Variants in REC114 observed in about 807,000 individuals in gnomAD.
REC114 encodes the protein REC114 meiotic recombination protein, also known as meiotic recombination protein REC114.
REC114 carries 27 observed loss-of-function variants against 31.3 expected under a neutral mutation model. The ratio of observed to expected loss-of-function variants is 0.86; its 90% CI spans 0.64 to 1.19. REC114 has a LOEUF of 1.19. REC114 is among the 50% of genes most tolerant of loss of function. The pLI, the probability that REC114 is intolerant of heterozygous loss-of-function variation, is 0.00. For missense variants in REC114, 344 were observed against 326.9 expected, an observed-to-expected ratio of 1.05 and a Z score of -0.40; for synonymous variants, 134 against 127.7, an observed-to-expected ratio of 1.05 and a Z score of -0.33.
chr15:73,462,995 T>C (rs1338507899), intron 1 of REC114, among the ~76,000 whole-genome samples: 1 of 152,024 alleles, frequency 6.6e-6, no homozygotes, highest in African/African-American at 2.4e-5. Context: ...AGACATGATA[T>C]CATTTCATCA....
intron 1 of REC114, 61 bp downstream of exon 1, chr15:73,443,405 G>C: frequency 6.7e-7 from 1 of 1,489,440 alleles, no homozygotes; most frequent in Non-Finnish European, 8.9e-7. Flanking sequence ...GGGAGGCTCC[G>C]CGAATACACT....
At chr15:73,534,871 C>G (rs1185417213) in intron 2 of REC114, among the ~76,000 whole-genome samples, 1 of 143,418 alleles carries the variant, frequency 7.0e-6, no homozygotes, top group African/African-American at 2.7e-5. Flanking sequence ...AAGGCTGGTT[C>G]AATATACGCA....
intron 1 of REC114, among the ~76,000 whole-genome samples, chr15:73,452,465 C>T (rs182147562): frequency 1.2e-4 from 18 of 152,262 alleles, no homozygotes; most frequent in East Asian, 3.9e-4. Context: ...CTACAAACCA[C>T]GGCTCAAGGC....
At chr15:73,448,158 T>C (rs1892793489) in intron 1 of REC114, among the ~76,000 whole-genome samples, 1 of 151,552 alleles carries the variant, frequency 6.6e-6, no homozygotes, top group African/African-American at 2.4e-5. Context: ...AACTGTTCAC[T>C]CCCCTGAAAA....
intron 2 of REC114, among the ~76,000 whole-genome samples, chr15:73,482,930 T>G (rs754472164): frequency 6.6e-6 from 1 of 152,092 alleles, no homozygotes; most frequent in Non-Finnish European, 1.5e-5. Flanking sequence ...CATACTCATT[T>G]CCACAGGGGC....
chr15:73,491,297 T>TA (rs1223383341), intron 2 of REC114, among the ~76,000 whole-genome samples: 17 of 152,220 alleles, frequency 1.1e-4, no homozygotes, highest in Non-Finnish European at 2.1e-4. Flanking sequence ...TTTTGTGTAT[T>TA]TTCTTAATTT....
chr15:73,452,331 A>G (rs1892861930), intron 1 of REC114, among the ~76,000 whole-genome samples: 1 of 152,212 alleles, frequency 6.6e-6, no homozygotes, highest in South Asian at 2.1e-4. Flanking sequence ...GCATTCCTAT[A>G]CACCAATAAC....
intron 2 of REC114, among the ~76,000 whole-genome samples, chr15:73,521,612 G>C (rs114887508): frequency 0.029 from 4,379 of 152,188 alleles, 251 homozygotes; most frequent in African/African-American, 0.099. Flanking sequence ...TCTTGAAATA[G>C]AGAAGATATA....
chr15:73,535,882 A>G (rs1566947183), intron 2 of REC114, among the ~76,000 whole-genome samples: 1 of 151,588 alleles, frequency 6.6e-6, no homozygotes, highest in East Asian at 1.9e-4. Context: ...CATATCTACA[A>G]CTATCTGATC....
intron 2 of REC114, among the ~76,000 whole-genome samples, chr15:73,510,510 T>A (rs1412663002): frequency 6.8e-6 from 1 of 146,194 alleles, no homozygotes; most frequent in Non-Finnish European, 1.5e-5. Context: ...AGGGCATCCC[T>A]GTCTTGTGCC....
chr15:73,547,589 C>A (rs1894327763), intron 3 of REC114, among the ~76,000 whole-genome samples: 1 of 152,138 alleles, frequency 6.6e-6, no homozygotes. Context: ...GATATCTGCA[C>A]CCCCATGTTT....
At chr15:73,458,669 A>C (rs1297040159) in intron 1 of REC114, among the ~76,000 whole-genome samples, 1 of 152,226 alleles carries the variant, frequency 6.6e-6, no homozygotes, top group African/African-American at 2.4e-5. Flanking sequence ...AGTCTGAGAT[A>C]GAATCAGTAT....
intron 2 of REC114, among the ~76,000 whole-genome samples, chr15:73,507,388 C>T (rs921153613): frequency 6.6e-6 from 1 of 152,002 alleles, no homozygotes; most frequent in Admixed American, 6.6e-5. Flanking sequence ...CATCAGCTAT[C>T]GTTAATGTTA....
chr15:73,443,463 A>G (rs1892725609), intron 1 of REC114, 119 bp downstream of exon 1: 2 of 1,236,156 alleles, frequency 1.6e-6, no homozygotes, highest in African/African-American at 1.5e-5. Context: ...AGTGACTGCC[A>G]GGCCTGTTGG....
chr15:73,490,015 A>G (rs74469289), intron 2 of REC114, among the ~76,000 whole-genome samples: 6,083 of 152,322 alleles, frequency 0.04, 162 homozygotes, highest in South Asian at 0.082. Context: ...AGTGAATCTC[A>G]GGATAGCTTT....
chr15:73,478,478 T>C (rs1893247455), intron 2 of REC114, among the ~76,000 whole-genome samples: 1 of 152,136 alleles, frequency 6.6e-6, no homozygotes, highest in Non-Finnish European at 1.5e-5. Context: ...AATAACACAC[T>C]GTCTTCTGCT....
chr15:73,475,524 T>C (rs978204086), intron 2 of REC114, among the ~76,000 whole-genome samples: 1 of 152,168 alleles, frequency 6.6e-6, no homozygotes, highest in Non-Finnish European at 1.5e-5. Flanking sequence ...AACAAAAGGT[T>C]TTTAAAATAC....
chr15:73,524,920 A>T (rs1595877347), intron 2 of REC114, among the ~76,000 whole-genome samples: 1 of 152,162 alleles, frequency 6.6e-6, no homozygotes, highest in African/African-American at 2.4e-5. Flanking sequence ...CTTTCAATGG[A>T]AATTTTTAAC....
chr15:73,538,010 T>C (rs559583722), intron 2 of REC114, among the ~76,000 whole-genome samples: 1 of 152,218 alleles, frequency 6.6e-6, no homozygotes, highest in African/African-American at 2.4e-5. Context: ...TCAGTTTATA[T>C]AGAGCTGCAC....
Sources: gnomAD v4.1 joint callset for allele counts (sites outside exome capture counted in the v4.1 genomes callset) on GRCh38, gnomAD v4.1.1 for gene constraint, MANE v1.5 for transcripts, NCBI Gene and HGNC (gene_info 2026-07-23, HGNC 2026-07-21) for gene names.